Variants in PCDH9 observed in about 807,000 individuals in gnomAD.
The protein encoded by PCDH9 is protocadherin-9.
A neutral mutation model predicts 70.6 loss-of-function variants in PCDH9; 24 were observed. The ratio of observed to expected loss-of-function variants is 0.34; its 90% CI spans 0.25 to 0.48. The LOEUF is 0.48. Among genes scored for constraint, PCDH9 ranks in the 20% least tolerant of loss-of-function variants. The pLI is 0.99. For missense variants in PCDH9, 1,281 were observed against 1,503.6 expected, an observed-to-expected ratio of 0.85 and a Z score of 2.45; for synonymous variants, 562 against 558.5, an observed-to-expected ratio of 1.01 and a Z score of -0.09.
chr13:66,794,150 T>A (rs950436203), intron 3 of PCDH9, among the ~76,000 whole-genome samples: 2 of 152,114 alleles, frequency 1.3e-5, no homozygotes, highest in East Asian at 3.9e-4. Context: ...TTTTTTCACA[T>A]AAATTTATGA....
At chr13:66,388,235 A>T (rs1956962678) in intron 4 of PCDH9, among the ~76,000 whole-genome samples, 1 of 152,228 alleles carries the variant, frequency 6.6e-6, no homozygotes, top group South Asian at 2.1e-4. Context: ...ATTTATATTT[A>T]TGAAACTGTA....
chr13:67,223,100 T>TTGGAATA (rs2089769826), intron 2 of PCDH9: 2 of 152,146 alleles, frequency 1.3e-5, no homozygotes, highest in Non-Finnish European at 1.5e-5. Context: ...CATATGAACA[T>TTGGAATA]TGGAATACCC....
chr13:66,427,903 A>G (rs938608483), intron 4 of PCDH9, among the ~76,000 whole-genome samples: 1 of 151,800 alleles, frequency 6.6e-6, no homozygotes, highest in African/African-American at 2.4e-5. Context: ...ATGGAACTAA[A>G]TAAAAATGCT....
At chr13:66,980,319 A>T (rs751912098) in intron 2 of PCDH9, among the ~76,000 whole-genome samples, 3 of 151,992 alleles carry the variant, frequency 2.0e-5, no homozygotes, top group Admixed American at 6.6e-5. Flanking sequence ...CACACAAATG[A>T]CTCCATCCAA....
At chr13:66,660,800 T>C (rs1232116937) in intron 3 of PCDH9, among the ~76,000 whole-genome samples, 1 of 151,994 alleles carries the variant, frequency 6.6e-6, no homozygotes, top group Non-Finnish European at 1.5e-5. Context: ...GGAAACAAAA[T>C]AGTTAAAATA....
intron 2 of PCDH9, among the ~76,000 whole-genome samples, chr13:67,012,267 TAAATTATAA>T (rs2084466202): frequency 6.6e-6 from 1 of 151,610 alleles, no homozygotes; most frequent in Non-Finnish European, 1.5e-5. Context: ...TGTAACCTTA[TAAATTATAA>T]AAATTATAAA....
intron 4 of PCDH9, among the ~76,000 whole-genome samples, chr13:66,452,306 A>G (rs2138430415): frequency 6.6e-6 from 1 of 152,268 alleles, no homozygotes; most frequent in East Asian, 1.9e-4. Flanking sequence ...GGCACTGCAT[A>G]TTATGCTCAA....
intron 2 of PCDH9, chr13:66,991,176 T>A (rs1024117753): frequency 2.0e-5 from 3 of 152,078 alleles, no homozygotes; most frequent in African/African-American, 7.2e-5. Flanking sequence ...TCTCTATATA[T>A]GACAGGATTA....
chr13:66,779,815 ATCTCTCTCTCTC>A (rs1225450927), intron 3 of PCDH9, among the ~76,000 whole-genome samples: 2 of 100,906 alleles, frequency 2.0e-5, no homozygotes, highest in East Asian at 3.1e-4. Flanking sequence ...GCGAGACTCC[ATCTCTCTCTCTC>A]TCTCTCTCTC....
At chr13:66,906,611 G>C (rs1466927182) in intron 2 of PCDH9, among the ~76,000 whole-genome samples, 10 of 152,072 alleles carry the variant, frequency 6.6e-5, no homozygotes, top group Admixed American at 4.6e-4. Flanking sequence ...TTTCATTCTG[G>C]AGCAGCTCCT....
intron 2 of PCDH9, among the ~76,000 whole-genome samples, chr13:67,126,670 G>A (rs907828062): frequency 1.3e-5 from 2 of 152,108 alleles, no homozygotes; most frequent in Non-Finnish European, 2.9e-5. Context: ...CCAACATGGT[G>A]AAACCCCATC....
intron 4 of PCDH9, among the ~76,000 whole-genome samples, chr13:66,593,929 T>A (rs1370855672): frequency 3.2e-5 from 2 of 63,472 alleles, no homozygotes; most frequent in Non-Finnish European, 9.2e-5. Context: ...AATATTATTA[T>A]ATATAAAGTT....
At chr13:66,918,209 A>G (rs773829779) in intron 2 of PCDH9, among the ~76,000 whole-genome samples, 12 of 151,270 alleles carry the variant, frequency 7.9e-5, no homozygotes, top group Non-Finnish European at 1.2e-4. Flanking sequence ...TACAAAATAG[A>G]GAGGAAGAGA....
At chr13:66,996,095 T>C (rs1164059330) in intron 2 of PCDH9, 1 of 152,144 alleles carries the variant, frequency 6.6e-6, no homozygotes, top group Non-Finnish European at 1.5e-5. Context: ...TAAAGGAAAA[T>C]GTTCTGTCTT....
chr13:66,725,147 T>C (rs1205191153), intron 3 of PCDH9, among the ~76,000 whole-genome samples: 2 of 152,200 alleles, frequency 1.3e-5, no homozygotes, highest in Admixed American at 6.5e-5. Flanking sequence ...CAGTTTGTTA[T>C]ATAATTGTCG....
At chr13:66,869,241 A>C (rs1430703244) in intron 3 of PCDH9, among the ~76,000 whole-genome samples, 5 of 152,166 alleles carry the variant, frequency 3.3e-5, no homozygotes, top group African/African-American at 1.2e-4. Flanking sequence ...TTTAACAATT[A>C]ACAGTAGTAG....
At chr13:66,708,730 T>C (rs542768961) in intron 3 of PCDH9, among the ~76,000 whole-genome samples, 212 of 152,324 alleles carry the variant, frequency 1.4e-3, no homozygotes, top group African/African-American at 4.8e-3. Context: ...TTTTCAGTGA[T>C]AGGAGAATCA....
At chr13:66,770,403 A>G (rs947013672) in intron 3 of PCDH9, among the ~76,000 whole-genome samples, 6 of 151,060 alleles carry the variant, frequency 4.0e-5, no homozygotes, top group African/African-American at 1.5e-4. Context: ...TAGCATCTGT[A>G]GGTTTTAGTA....
intron 4 of PCDH9, among the ~76,000 whole-genome samples, chr13:66,574,561 C>A (rs1593707769): frequency 6.6e-6 from 1 of 152,142 alleles, no homozygotes; most frequent in African/African-American, 2.4e-5. Flanking sequence ...AAATACTTTG[C>A]TGCTAACTCA....
Sources: gnomAD v4.1 joint callset for allele counts (sites outside exome capture counted in the v4.1 genomes callset) on GRCh38, gnomAD v4.1.1 for gene constraint, MANE v1.5 for transcripts, NCBI Gene and HGNC (gene_info 2026-07-23, HGNC 2026-07-21) for gene names.